Variants in IGSF9 observed in about 807,000 individuals in gnomAD.
The protein encoded by IGSF9 is immunoglobulin superfamily member 9, also known as protein turtle homolog A.
A neutral mutation model predicts 121.7 loss-of-function variants in IGSF9; 87 were observed. That is an observed-to-expected ratio of 0.71 (90% CI 0.60 to 0.85). The LOEUF is 0.85. IGSF9 is among the 40% of genes least tolerant of loss of function. The pLI is 0.00. For missense variants in IGSF9, 1,462 were observed against 1,565.3 expected (o/e 0.93, Z 1.11); for synonymous variants, 640 against 648.4 (o/e 0.99, Z 0.20).
intron 3 of IGSF9, 59 bp downstream of exon 3, chr1:159,942,904 T>C (rs1651438647): frequency 1.3e-6 from 2 of 1,490,242 alleles, no homozygotes; most frequent in Non-Finnish European, 1.9e-6. Context: ...TGTGCGACTC[T>C]ACCCAGCCCA....
chr1:159,931,588 G>GCAGC lies in IGSF9; in HGVS notation c.1374_1377dup (p.Gln460AlafsTer49). 6.2e-7 allele frequency: 1 copy of GCAGC among 1,613,824 alleles called. No individual in the cohort carries two copies. Among genetic ancestry groups the GCAGC allele is most frequent in the South Asian group, 1.1e-5 (1 of 91,082 alleles). On this transcript the variant is annotated frameshift_variant, in exon 12 of 21. Coordinates refer to ENST00000368094, the MANE Select transcript of IGSF9 (RefSeq NM_001135050.2). LOFTEE classifies it high-confidence loss of function. The surrounding 1 kb of genome is among the most constrained non-coding windows in gnomAD (Gnocchi z 4.8). Reference sequence around the variant, plus strand: ...TTGCTGTCCACCTGGGCCTGGCCTTGCAGCCCCCGGCCCACCTACAGAACC... The same window carrying GCAGC: ...TTGCTGTCCACCTGGGCCTGGCCTTGCAGCCAGCCCCCGGCCCACCTACAGAACC...
intron 3 of IGSF9, among the ~76,000 whole-genome samples, chr1:159,939,505 G>A (rs1455179681): frequency 5.9e-5 from 9 of 152,144 alleles, no homozygotes; most frequent in Admixed American, 3.3e-4. Flanking sequence ...GGATTAAGCT[G>A]TGAGTCACTG....
intron 9 of IGSF9, 91 bp downstream of exon 9, chr1:159,934,099 G>T: frequency 7.1e-7 from 1 of 1,399,772 alleles, no homozygotes; most frequent in South Asian, 1.3e-5. Context: ...CCCAGTCACT[G>T]AACTGAATTA....
rs1469802777 is a variant in IGSF9 at position 159,931,472 on chromosome 1, G to A, written c.1494C>T (p.Ser498=). ...ASNAVARVAT[S]TNVYVLGTSP... ...ACTAACCCAGCACGTAGACGTTCGT[G>A]GAGGTGGCCACTCGGGCCACAGCAT... Residue 498 remains serine (S), a synonymous_variant, in exon 12 of 21, where the codon TCC becomes TCT. Coordinates refer to ENST00000368094, the MANE Select transcript of IGSF9 (RefSeq NM_001135050.2). The surrounding 1 kb of genome is among the most constrained non-coding windows in gnomAD (Gnocchi z 4.8). The A allele has an allele frequency of 6.2e-7, 1 of 1,613,844 alleles. No individual in the cohort carries two copies. Among genetic ancestry groups the A allele is most frequent in the African/African-American group, 1.3e-5 (1 of 74,924 alleles).
rs776531150 is a variant in IGSF9 at position 159,934,536 on chromosome 1, C to T, written c.850G>A (p.Gly284Arg). 9.9e-6 allele frequency: 16 copies of T among 1,613,716 alleles called. No homozygotes were observed. The highest frequency in any genetic ancestry group is 1.6e-4 in the Middle Eastern group (1 of 6,074). Reference sequence around the variant, plus strand: ...TGGGTGGCCAGCAGCCGCAGGCTCCCGTCCACCAGGATCCGCACCCGGGGC... The same window carrying T: ...TGGGTGGCCAGCAGCCGCAGGCTCCTGTCCACCAGGATCCGCACCCGGGGC... ...LQPRVRILVD[G>R]SLRLLATQPD... The change falls in exon 8 of 21, where the codon GGG becomes AGG. Residue 284 changes from glycine to arginine, a missense_variant. Physicochemically the swap from Gly to Arg is moderately radical, Grantham distance 125. This residue lies in a region of IGSF9 where 558 missense variants were observed against 599.4 expected (regional missense o/e 0.93). Transcript: ENST00000368094.
At chr1:159,934,931 CGTT>C in intron 6 of IGSF9, 109 bp from the exon 7 acceptor site, 1 of 1,335,276 alleles carries the variant, frequency 7.5e-7, no homozygotes, top group African/African-American at 1.5e-5. Flanking sequence ...TCTTAGGGCT[CGTT>C]GTTACAGGGC....
intron 3 of IGSF9, among the ~76,000 whole-genome samples, chr1:159,938,725 C>G (rs1348975629): frequency 1.3e-5 from 2 of 152,192 alleles, no homozygotes; most frequent in Non-Finnish European, 2.9e-5. Context: ...GGGCAAGTTA[C>G]TTAACCTCTC....
Position 159,928,313 on chromosome 1 carries a change from G to A in IGSF9, c.3075C>T (p.Ser1025=). 6.2e-7 allele frequency: 1 copy of A among 1,610,946 alleles called. No homozygotes were observed. Among genetic ancestry groups the A allele is most frequent in the Non-Finnish European group, 8.5e-7 (1 of 1,178,718 alleles). Residue 1025 remains serine, a synonymous_variant, in exon 19 of 21, where the codon AGC becomes AGT. Transcript: ENST00000368094. The part of the protein sequence containing the change: ...AAPRGSLTSQ[S]SGRGSASFLR... ...GGAACGAAGCGCTGCCTCGCCCACTGCTCTGGCTGGTGAGGCTGCCTCGAG... is the reference window on the plus strand; with the variant it reads ...GGAACGAAGCGCTGCCTCGCCCACTACTCTGGCTGGTGAGGCTGCCTCGAG...
intron 3 of IGSF9, among the ~76,000 whole-genome samples, chr1:159,942,538 G>A (rs1651419963): frequency 6.6e-6 from 1 of 152,194 alleles, no homozygotes. Flanking sequence ...AAGGGGGAGA[G>A]CGCAGAGGAG....
intron 6 of IGSF9, among the ~76,000 whole-genome samples, chr1:159,935,987 C>T (rs907002911): frequency 6.6e-6 from 1 of 152,174 alleles, no homozygotes; most frequent in African/African-American, 2.4e-5. Context: ...TTCTCAGTTT[C>T]CCTTCTAAAG....
At position 159,944,843 on chromosome 1, in the gene IGSF9, C is replaced by A. The variant is rs377400042; in HGVS notation, c.-175+730G>T. On this transcript the variant is annotated intron_variant, in intron 1 of 20. Coordinates refer to ENST00000368094, the MANE Select transcript of IGSF9 (RefSeq NM_001135050.2). ...TGTCTAACTTCTGGCAATTCACTAG[C>A]AACCAAGCCCCCTGTTTCCCACTGC... Among the ~76,000 whole-genome samples the A allele has an allele frequency of 5.9e-5, 9 of 152,282 alleles. No individual in the cohort carries two copies. In the East Asian group the frequency reaches 1.3e-3, roughly 23 times the overall value.
chr1:159,928,005 A>G (rs767363281), intron 19 of IGSF9, 118 bp from the exon 20 acceptor site: 17 of 1,492,094 alleles, frequency 1.1e-5, no homozygotes, highest in Non-Finnish European at 1.4e-5. Flanking sequence ...CCCCTGAAAA[A>G]TCCCTGGACC....
At chr1:159,927,579 A>C (rs1194072037) in intron 20 of IGSF9, 53 bp from the exon 21 acceptor site, 9 of 1,583,476 alleles carry the variant, frequency 5.7e-6, no homozygotes, top group Non-Finnish European at 7.8e-6. Context: ...CACTGAGTGA[A>C]GAGCTCAGAT....
rs1252596218 is a variant in IGSF9 at position 159,942,873 on chromosome 1, A to G, written c.247+90T>C. 3 of 1,058,548 alleles carry G rather than the reference A, an allele frequency of 2.8e-6. No individual in the cohort carries two copies. The African/African-American group carries it at 4.8e-5, about 17-fold the overall frequency. The allele number at this position is 1,058,548 out of a possible 1,614,324, so 65.6% of individuals were successfully genotyped here. On this transcript the variant is annotated intron_variant, in intron 3 of 20. Coordinates refer to ENST00000368094, the MANE Select transcript of IGSF9 (RefSeq NM_001135050.2). ...CTGGAGATGAGATCAGAGCAGGGAC[A>G]AAGCCGTTCATAGGAGGCCTTGTGC... is the stretch of plus-strand genomic sequence containing the variant.
Position 159,928,565 on chromosome 1 carries a change from C to T in IGSF9, c.2823G>A (p.Trp941Ter). Residue 941 changes from tryptophan (W) to a stop codon, truncating the protein, a stop_gained, in exon 19 of 21, where the codon TGG (tryptophan) becomes TGA (stop). Transcript: ENST00000368094. LOFTEE classifies it high-confidence loss of function. The stretch of plus-strand genomic sequence containing the variant: ...CAGGGCTGGGCTCCTCAAGCGGGGG[C>T]CAGTCCCCATCCACATTCATCTCTC... Reference protein sequence around the residue: ...FFREMNVDGDWPPLEEPSPAA... With the variant: ...FFREMNVDGD 3 of 1,535,448 alleles carry T rather than the reference C, an allele frequency of 2.0e-6. No homozygotes were observed. Among genetic ancestry groups the T allele is most frequent in the Non-Finnish European group, 2.6e-6 (3 of 1,139,838 alleles).
In IGSF9 at chr1:159,927,095, C is replaced by CATAGAG. The variant is rs575352607; in HGVS notation, c.*249_*250insCTCTAT. 4 of 451,118 alleles carry CATAGAG rather than the reference C, an allele frequency of 8.9e-6. No homozygotes were observed. Among genetic ancestry groups the CATAGAG allele is most frequent in the Non-Finnish European group, 1.6e-5 (4 of 253,088 alleles). The allele number at this position is 451,118 out of a possible 1,614,324, so 27.9% of individuals were successfully genotyped here. Reference sequence around the variant, plus strand: ...AAAACTTCACACACACACACACACACACAGAGAGAGAGAGAGAGAGAGAGA... The same window carrying CATAGAG: ...AAAACTTCACACACACACACACACACATAGAGACAGAGAGAGAGAGAGAGAGAGAGA... On this transcript the variant is annotated 3_prime_UTR_variant, in exon 21 of 21. Coordinates refer to ENST00000368094, the MANE Select transcript of IGSF9 (RefSeq NM_001135050.2).
At position 159,927,890 on chromosome 1, in the gene IGSF9, G is replaced by A; in HGVS notation, c.3231-3C>T. On this transcript the variant is annotated splice_polypyrimidine_tract_variant and splice_region_variant and intron_variant, in intron 19 of 20. Transcript: ENST00000368094. ...TCTCGTCCACAGATGTGTTCCTCCTGTAAAAAAAAAAAAAAAGACAAACAT... is the reference window on the plus strand; with the variant it reads ...TCTCGTCCACAGATGTGTTCCTCCTATAAAAAAAAAAAAAAAGACAAACAT... 1.4e-6 allele frequency: 2 copies of A among 1,430,436 alleles called. No homozygotes were observed. Among genetic ancestry groups the A allele is most frequent in the Non-Finnish European group, 1.8e-6 (2 of 1,092,138 alleles). 88.6% of individuals were successfully genotyped at this position (1,430,436 alleles called of 1,614,324 possible).
intron 6 of IGSF9, 91 bp from the exon 7 acceptor site, chr1:159,934,913 C>T (rs753086522): frequency 3.6e-5 from 53 of 1,485,534 alleles, no homozygotes; most frequent in Non-Finnish European, 4.7e-5. Context: ...CAGCTCTGCT[C>T]TCTGGAATCT....
In IGSF9 at chr1:159,934,667, G is replaced by A; in HGVS notation, c.815+14C>T. The A allele has an allele frequency of 1.2e-6, 2 of 1,614,186 alleles. No homozygotes were observed. Among genetic ancestry groups the A allele is most frequent in the African/African-American group, 1.3e-5 (1 of 75,062 alleles). ...AATTCCCCACCTCCACCTTCCTAAT[G>A]AGGGTGACCCCACCTAATGTGGAAG... On this transcript the variant is annotated intron_variant, in intron 7 of 20. Coordinates refer to ENST00000368094, the MANE Select transcript of IGSF9 (RefSeq NM_001135050.2).
Sources: allele counts gnomAD v4.1 joint callset (sites outside exome capture counted in the v4.1 genomes callset), GRCh38; gene constraint gnomAD v4.1.1; regional missense constraint gnomAD v4.1.1; non-coding constraint Gnocchi (gnomAD v3.1); transcripts MANE v1.5; gene names NCBI Gene and HGNC (gene_info 2026-07-23, HGNC 2026-07-21).